CDH6: variants seen among roughly 807,000 people sequenced by gnomAD.
CDH6 encodes the protein cadherin-6.
Under a neutral mutation model 78.0 loss-of-function variants are expected in CDH6, and 31 were observed. The ratio of observed to expected loss-of-function variants is 0.40; its 90% CI spans 0.30 to 0.54. The LOEUF is 0.54. CDH6 is among the 20% of genes least tolerant of loss of function. The pLI, the probability that CDH6 is intolerant of heterozygous loss-of-function variation, is 0.56. For missense variants in CDH6, 724 were observed against 975.9 expected (o/e 0.74, Z 3.44); for synonymous variants, 376 against 368.8 (o/e 1.02, Z -0.23).
chr5:31,317,055 C>T (rs890541677), intron 9 of CDH6, among the ~76,000 whole-genome samples: 2 of 152,206 alleles, frequency 1.3e-5, no homozygotes, highest in East Asian at 3.9e-4. Context: ...GATTTCCTCC[C>T]TGGGGATATT....
intron 1 of CDH6, among the ~76,000 whole-genome samples, chr5:31,213,234 G>T (rs2111811245): frequency 6.6e-6 from 1 of 152,292 alleles, no homozygotes; most frequent in Middle Eastern, 3.4e-3. Context: ...TGAAAGCGCA[G>T]AATTAAGGCT....
intron 1 of CDH6, among the ~76,000 whole-genome samples, chr5:31,246,026 G>T (rs1470843997): frequency 6.7e-6 from 1 of 149,142 alleles, no homozygotes; most frequent in African/African-American, 2.5e-5. Context: ...TCTTGCCTCA[G>T]CCTCCCAAGT....
intron 2 of CDH6, among the ~76,000 whole-genome samples, chr5:31,275,700 C>T (rs1226979422): frequency 6.6e-6 from 1 of 152,000 alleles, no homozygotes; most frequent in Non-Finnish European, 1.5e-5. Flanking sequence ...AACAAAAATC[C>T]CTAATTTTAA....
chr5:31,256,416 G>A (rs556849630), intron 1 of CDH6, among the ~76,000 whole-genome samples: 2 of 152,236 alleles, frequency 1.3e-5, no homozygotes, highest in East Asian at 1.9e-4. Context: ...CTTAGAATTG[G>A]AGCTTGCCAC....
intron 1 of CDH6, among the ~76,000 whole-genome samples, chr5:31,211,095 G>T (rs1740693530): frequency 6.6e-6 from 1 of 152,136 alleles, no homozygotes; most frequent in South Asian, 2.1e-4. Context: ...TTTTTGGTGT[G>T]TTTGTTTTGG....
chr5:31,263,832 C>T (rs1742275061), intron 1 of CDH6, among the ~76,000 whole-genome samples: 1 of 152,144 alleles, frequency 6.6e-6, no homozygotes, highest in South Asian at 2.1e-4. Flanking sequence ...TCTGATATAA[C>T]ATTAGAATAA....
intron 6 of CDH6, 121 bp from the exon 7 acceptor site, chr5:31,305,053 C>A (rs1737940105): frequency 9.9e-7 from 1 of 1,010,406 alleles, no homozygotes; most frequent in African/African-American, 1.6e-5. Flanking sequence ...AAATGTGTTT[C>A]TCTAAGCAAT....
At chr5:31,238,616 A>G (rs1004039514) in intron 1 of CDH6, among the ~76,000 whole-genome samples, 4 of 152,258 alleles carry the variant, frequency 2.6e-5, no homozygotes, top group African/African-American at 9.6e-5. Context: ...AATGGAAACC[A>G]TAAGTTTTAA....
intron 1 of CDH6, among the ~76,000 whole-genome samples, chr5:31,255,071 A>G (rs1365117769): frequency 6.6e-6 from 1 of 152,256 alleles, no homozygotes; most frequent in Non-Finnish European, 1.5e-5. Flanking sequence ...CCGACCTATT[A>G]AAAATGCAAC....
Position 31,326,038 on chromosome 5 carries a change from A to G in CDH6, c.*2730A>G. On this transcript the variant is annotated 3_prime_UTR_variant, in exon 12 of 12. Coordinates refer to ENST00000265071, the MANE Select transcript of CDH6 (RefSeq NM_004932.4). ...TGCGCAGGTTTTTTTTTTAATTGCT[A>G]GGTCCCAGGCAACATGAAAGATTAT... 4.3e-6 allele frequency: 1 copy of G among 231,928 alleles called. No homozygotes were observed. Among genetic ancestry groups the G allele is most frequent in the Non-Finnish European group, 8.5e-6 (1 of 117,360 alleles). The allele number at this position is 231,928 out of a possible 1,614,324, so 14.4% of individuals were successfully genotyped here.
At chr5:31,237,788 A>G (rs1741492865) in intron 1 of CDH6, among the ~76,000 whole-genome samples, 2 of 152,188 alleles carry the variant, frequency 1.3e-5, no homozygotes, top group Non-Finnish European at 2.9e-5. Flanking sequence ...GTGAAGTAGC[A>G]GTGGAAGTAG....
intron 7 of CDH6, among the ~76,000 whole-genome samples, chr5:31,312,206 C>G (rs946275791): frequency 4.6e-5 from 7 of 152,214 alleles, no homozygotes; most frequent in Non-Finnish European, 1.0e-4. Context: ...TAATCTAGAG[C>G]TTCAGACTAG....
At chr5:31,253,586 A>G (rs530077612) in intron 1 of CDH6, among the ~76,000 whole-genome samples, 1 of 152,312 alleles carries the variant, frequency 6.6e-6, no homozygotes, top group African/African-American at 2.4e-5. Flanking sequence ...CTCATTCATG[A>G]AGGCAATGCC....
chr5:31,267,949 A>G (rs903561230), intron 2 of CDH6, among the ~76,000 whole-genome samples: 1 of 152,176 alleles, frequency 6.6e-6, no homozygotes, highest in East Asian at 1.9e-4. Context: ...TCCGCATAGG[A>G]TTATCATAAA....
intron 7 of CDH6, among the ~76,000 whole-genome samples, chr5:31,312,620 G>A (rs1406967860): frequency 6.6e-6 from 1 of 152,180 alleles, no homozygotes; most frequent in East Asian, 1.9e-4. Context: ...AAGCCTGGGA[G>A]GTCGAAGTTG....
chr5:31,274,720 T>C (rs1742643351), intron 2 of CDH6, among the ~76,000 whole-genome samples: 1 of 152,206 alleles, frequency 6.6e-6, no homozygotes, highest in Non-Finnish European at 1.5e-5. Flanking sequence ...CTCAGGAGAC[T>C]GAGGCGTGAG....
At chr5:31,290,211 G>A (rs570130756) in intron 2 of CDH6, among the ~76,000 whole-genome samples, 14 of 152,274 alleles carry the variant, frequency 9.2e-5, no homozygotes, top group African/African-American at 3.4e-4. Flanking sequence ...AGTGAGCCGA[G>A]ATCGCACCAC....
At chr5:31,301,010 C>G (rs1319149308) in intron 5 of CDH6, among the ~76,000 whole-genome samples, 2 of 152,118 alleles carry the variant, frequency 1.3e-5, no homozygotes, top group Admixed American at 1.3e-4. Context: ...GTAGTCCCAG[C>G]TACTCAGAAG....
chr5:31,313,562 T>C lies in CDH6; in HGVS notation c.1390+108T>C, dbSNP rs1434970867. 7 of 1,052,514 alleles carry C rather than the reference T, an allele frequency of 6.7e-6. No individual in the cohort carries two copies. The Admixed American group carries it at 6.7e-5, about 10-fold the overall frequency. 65.2% of individuals were successfully genotyped at this position (1,052,514 alleles called of 1,614,324 possible). Reference sequence around the variant, plus strand: ...CATGTATTGACAATCCCACTTGATATATATTGAGGGAAAAAGCCCTGGAGT... The same window carrying C: ...CATGTATTGACAATCCCACTTGATACATATTGAGGGAAAAAGCCCTGGAGT... On this transcript the variant is annotated intron_variant, in intron 8 of 11. Coordinates refer to ENST00000265071, the MANE Select transcript of CDH6 (RefSeq NM_004932.4).
Sources: gnomAD v4.1 joint callset for allele counts (sites outside exome capture counted in the v4.1 genomes callset) on GRCh38, gnomAD v4.1.1 for gene constraint, MANE v1.5 for transcripts, NCBI Gene and HGNC (gene_info 2026-07-23, HGNC 2026-07-21) for gene names.